Variants in PDE1A observed in about 807,000 individuals in gnomAD.
PDE1A encodes phosphodiesterase 1A, also known as dual specificity calcium/calmodulin-dependent 3',5'-cyclic nucleotide phosphodiesterase 1A.
PDE1A carries 35 observed loss-of-function variants against 61.7 expected under a neutral mutation model. That is an observed-to-expected ratio of 0.57 (90% CI 0.43 to 0.75). The LOEUF (loss-of-function observed/expected upper bound fraction) is 0.75. Among genes scored for constraint, PDE1A ranks in the 30% least tolerant of loss-of-function variants. The pLI, the probability that PDE1A is intolerant of heterozygous loss-of-function variation, is 0.00. For missense variants in PDE1A, 597 were observed against 630.6 expected (o/e 0.95, Z 0.57); for synonymous variants, 232 against 213.2 (o/e 1.09, Z -0.77).
chr2:182,592,254 T>G, the PDE1A span, among the ~76,000 whole-genome samples: 1 of 152,216 alleles, frequency 6.6e-6, no homozygotes, highest in Non-Finnish European at 1.5e-5. Context: ...GTAATCCTAC[T>G]GCCAGAACAA....
chr2:182,551,633 C>A, the PDE1A span, among the ~76,000 whole-genome samples: 2 of 152,148 alleles, frequency 1.3e-5, no homozygotes, highest in South Asian at 4.1e-4. Context: ...CCCTAGAAAG[C>A]ATTCTTATAG....
exon 1 of PDE1A, chr2:182,522,719 A>G (rs74436253): frequency 0.056 from 55,287 of 981,966 alleles, 1,708 homozygotes; most frequent in Non-Finnish European, 0.064. Context: ...TGTTCTGTGC[A>G]CTGAAGCACA....
At chr2:182,686,776 A>G in the PDE1A span, among the ~76,000 whole-genome samples, 1 of 152,242 alleles carries the variant, frequency 6.6e-6, no homozygotes, top group Admixed American at 6.5e-5. Context: ...ATTCCCTTTC[A>G]TAGCCATGCA....
chr2:182,500,975 T>A (rs1472875779), intron 2 of PDE1A, among the ~76,000 whole-genome samples: 1 of 152,234 alleles, frequency 6.6e-6, no homozygotes, highest in Non-Finnish European at 1.5e-5. Context: ...TGTATGTGTG[T>A]AGCTATTTTG....
intron 2 of PDE1A, among the ~76,000 whole-genome samples, chr2:182,262,520 C>T (rs1692297932): frequency 6.6e-6 from 1 of 152,142 alleles, no homozygotes; most frequent in African/African-American, 2.4e-5. Context: ...CCGCCCACTT[C>T]AGCCTCCCAA....
the PDE1A span, among the ~76,000 whole-genome samples, chr2:182,593,273 A>G: frequency 6.6e-6 from 1 of 152,212 alleles, no homozygotes; most frequent in Non-Finnish European, 1.5e-5. Context: ...CTGCTGGTGG[A>G]ATTTGGGATC....
intron 2 of PDE1A, among the ~76,000 whole-genome samples, chr2:182,505,357 C>T (rs557297690): frequency 6.6e-6 from 1 of 152,224 alleles, no homozygotes; most frequent in South Asian, 2.1e-4. Context: ...TATCTAGAGT[C>T]GACTTTTACC....
intron 2 of PDE1A, among the ~76,000 whole-genome samples, chr2:182,466,797 T>C (rs1002904416): frequency 1.3e-5 from 2 of 151,994 alleles, no homozygotes; most frequent in Admixed American, 6.6e-5. Context: ...AAGTGTTGGT[T>C]AGAGTTGTGA....
chr2:182,562,266 G>A, the PDE1A span, among the ~76,000 whole-genome samples: 1 of 151,738 alleles, frequency 6.6e-6, no homozygotes, highest in Admixed American at 6.6e-5. Flanking sequence ...TAGCATGAAG[G>A]GTTGTTGAAT....
chr2:182,599,808 G>C, the PDE1A span, among the ~76,000 whole-genome samples: 1 of 152,128 alleles, frequency 6.6e-6, no homozygotes, highest in African/African-American at 2.4e-5. Context: ...TGTGCTATAG[G>C]CATCAGAGAG....
chr2:182,581,558 T>A, the PDE1A span, among the ~76,000 whole-genome samples: 1 of 152,222 alleles, frequency 6.6e-6, no homozygotes, highest in Non-Finnish European at 1.5e-5. Context: ...AATCTATTAT[T>A]TCTATGTTAT....
At chr2:182,599,692 G>C in the PDE1A span, among the ~76,000 whole-genome samples, 1 of 151,980 alleles carries the variant, frequency 6.6e-6, no homozygotes, top group Non-Finnish European at 1.5e-5. Flanking sequence ...CAGATGAATA[G>C]GACATCCTTT....
chr2:182,700,750 A>AAAAAAAAAAAC, the PDE1A span, among the ~76,000 whole-genome samples: 9 of 144,772 alleles, frequency 6.2e-5, no homozygotes, highest in African/African-American at 2.1e-4. Context: ...ACAGAAAGAA[A>AAAAAAAAAAAC]AGAAAAAGAA....
chr2:182,427,898 A>G (rs1703712908), upstream of PDE1A, among the ~76,000 whole-genome samples: 1 of 152,182 alleles, frequency 6.6e-6, no homozygotes, highest in Admixed American at 6.6e-5. Flanking sequence ...ATGTAATAAA[A>G]AGGGAAAAAT....
At chr2:182,416,739 T>C (rs1180580530) in intron 1 of PDE1A, among the ~76,000 whole-genome samples, 1 of 152,190 alleles carries the variant, frequency 6.6e-6, no homozygotes, top group African/African-American at 2.4e-5. Flanking sequence ...TAAAATATGT[T>C]TCTTTGGAAC....
In PDE1A at chr2:182,468,289, T is replaced by C. The variant is rs533671679; in HGVS notation, c.101+53987A>G. 2.0e-5 allele frequency among the ~76,000 whole-genome samples: 3 copies of C among 152,116 alleles called. No individual in the cohort carries two copies. The South Asian group carries it at 6.2e-4, about 32-fold the overall frequency. The stretch of plus-strand genomic sequence containing the variant: ...AATCCTCTCAAACTCTGCCATTGCT[T>C]TCTTAACTAAGTTTATGTACAAGTT... On this transcript the variant is annotated intron_variant, in intron 2 of 14. Coordinates refer to the PDE1A transcript ENST00000410103.
intron 1 of PDE1A, among the ~76,000 whole-genome samples, chr2:182,315,429 A>G (rs1387033020): frequency 6.6e-6 from 1 of 152,208 alleles, no homozygotes; most frequent in Non-Finnish European, 1.5e-5. Context: ...TAAAAGCAAA[A>G]TGCATATAAT....
At chr2:182,701,860 C>T in the PDE1A span, among the ~76,000 whole-genome samples, 1 of 152,130 alleles carries the variant, frequency 6.6e-6, no homozygotes, top group Admixed American at 6.5e-5. Context: ...CTGACTGAGA[C>T]AATGCTAACA....
chr2:182,230,735 G>A (rs1689513024), intron 5 of PDE1A, among the ~76,000 whole-genome samples: 1 of 152,118 alleles, frequency 6.6e-6, no homozygotes, highest in South Asian at 2.1e-4. Flanking sequence ...AGACATAGCT[G>A]CCAAACCCTA....
Sources: allele counts gnomAD v4.1 joint callset (sites outside exome capture counted in the v4.1 genomes callset), GRCh38; gene constraint gnomAD v4.1.1; transcripts MANE v1.5; gene names NCBI Gene and HGNC (gene_info 2026-07-23, HGNC 2026-07-21).